The following MAP1B variants were observed in gnomAD, a reference collection of about 807,000 sequenced individuals.
MAP1B encodes the protein microtubule-associated protein 1B.
A neutral mutation model predicts 176.1 loss-of-function variants in MAP1B; 12 were observed. The observed-to-expected ratio is 0.07, with a 90% CI of 0.04 to 0.11. MAP1B has a LOEUF of 0.11. Ranked by LOEUF, MAP1B falls within the 10% of genes least tolerant of loss-of-function variation. MAP1B has a pLI of 1.00. For synonymous variants in MAP1B, 1,044 were observed against 1,135.0 expected (o/e 0.92, Z 1.61); for missense variants, 2,523 against 2,990.5 (o/e 0.84, Z 3.65).
intron 2 of MAP1B, among the ~76,000 whole-genome samples, chr5:72,177,532 A>T (rs1324107491): frequency 6.6e-6 from 1 of 152,064 alleles, no homozygotes; most frequent in Non-Finnish European, 1.5e-5. Context: ...GACTTCTGTG[A>T]GGGGCTCTGG....
At chr5:72,131,239 C>T (rs1165748434) in intron 2 of MAP1B, among the ~76,000 whole-genome samples, 1 of 152,120 alleles carries the variant, frequency 6.6e-6, no homozygotes, top group Non-Finnish European at 1.5e-5. Context: ...GGTAAGTAAA[C>T]TTTAGAGCTG....
In MAP1B at chr5:72,197,175, G is replaced by T. The variant is rs186784968; in HGVS notation, c.3820G>T (p.Glu1274Ter). 1 of 1,614,228 alleles carries T rather than the reference G, an allele frequency of 6.2e-7. No individual in the cohort carries two copies. Among genetic ancestry groups the T allele is most frequent in the Non-Finnish European group, 8.5e-7 (1 of 1,180,024 alleles). Residue 1274 changes from glutamate (E) to a stop codon, truncating the protein, a stop_gained, in exon 5 of 7, where the codon GAA becomes TAA. Coordinates refer to ENST00000296755, the MANE Select transcript of MAP1B (RefSeq NM_005909.5). LOFTEE classifies it high-confidence loss of function. Reference sequence around the variant, plus strand: ...ACCCTTAGAAAAGACCCCCCTGGGTGAACGTAGTGTGAACTTCTCTCTGAC... The same window carrying T: ...ACCCTTAGAAAAGACCCCCCTGGGTTAACGTAGTGTGAACTTCTCTCTGAC... ...PSPLEKTPLG[E>*]RSVNFSLTPN...
At chr5:72,129,552 G>A (rs1442586656) in intron 2 of MAP1B, among the ~76,000 whole-genome samples, 2 of 150,384 alleles carry the variant, frequency 1.3e-5, no homozygotes, top group African/African-American at 4.9e-5. Context: ...GTGAGACTCC[G>A]TCCTAAAAAA....
In MAP1B at chr5:72,196,030, C is replaced by G; in HGVS notation, c.2675C>G (p.Pro892Arg). The change falls in exon 5 of 7, where the codon CCT (proline) becomes CGT (arginine). Residue 892 changes from proline (P) to arginine (R), a missense_variant. By Grantham distance (103) the Pro-to-Arg change is moderately radical. Coordinates refer to ENST00000296755, the MANE Select transcript of MAP1B (RefSeq NM_005909.5). The surrounding 1 kb of genome is among the most constrained non-coding windows in gnomAD (Gnocchi z 5.3). ...GTCACCAAAGGTCCTGCCGAGTCCC[C>G]TGATGAGGGAATCACTACCACTGAA... is the stretch of plus-strand genomic sequence containing the variant. ...REVTKGPAES[P>R]DEGITTTEGE... 1 of 1,614,252 alleles carries G rather than the reference C, an allele frequency of 6.2e-7. No individual in the cohort carries two copies. The highest frequency in any genetic ancestry group is 8.5e-7 in the Non-Finnish European group (1 of 1,180,048).
intron 2 of MAP1B, among the ~76,000 whole-genome samples, chr5:72,140,513 G>A (rs1339808015): frequency 6.6e-6 from 1 of 152,154 alleles, no homozygotes; most frequent in Non-Finnish European, 1.5e-5. Context: ...GTGCGCATAA[G>A]GGAGAGAAAA....
intron 2 of MAP1B, among the ~76,000 whole-genome samples, chr5:72,165,881 A>T (rs1351882087): frequency 6.6e-6 from 1 of 152,202 alleles, no homozygotes; most frequent in African/African-American, 2.4e-5. Flanking sequence ...AGAGCAAGCT[A>T]CAAAGCCTAA....
chr5:72,166,703 C>T (rs1158500143), intron 2 of MAP1B, among the ~76,000 whole-genome samples: 3 of 152,178 alleles, frequency 2.0e-5, no homozygotes, highest in South Asian at 2.1e-4. Context: ...TATGACTATT[C>T]GCCGAGGATG....
chr5:72,205,331 G>A lies in MAP1B; in HGVS notation c.*92G>A, dbSNP rs1747423519. ...CTTTTCTAAAAAGTCAATTCATCTA[G>A]TTAAGTCGCTGAACAATTACCTGCC... On this transcript the variant is annotated 3_prime_UTR_variant, in exon 7 of 7. Coordinates refer to ENST00000296755, the MANE Select transcript of MAP1B (RefSeq NM_005909.5). 1.5e-6 allele frequency: 2 copies of A among 1,318,378 alleles called. No homozygotes were observed. Among genetic ancestry groups the A allele is most frequent in the Non-Finnish European group, 2.1e-6 (2 of 945,734 alleles). 81.7% of individuals were successfully genotyped at this position (1,318,378 alleles called of 1,614,324 possible). A position where few individuals can be genotyped will look rare whatever the true frequency, so the allele number is the denominator to read the frequency against.
At chr5:72,147,606 C>T (rs149432731) in intron 2 of MAP1B, among the ~76,000 whole-genome samples, 3 of 152,316 alleles carry the variant, frequency 2.0e-5, no homozygotes, top group African/African-American at 7.2e-5. Context: ...TGCGAGGACA[C>T]GCCCCAGCTG....
rs149164871 is a variant in MAP1B at position 72,151,512 on chromosome 5, G to A, written c.287-32231G>A. Reference sequence around the variant, plus strand: ...TGTGCCCTCAACTATGTAAAAAAATGGCTATGTGGAAAAAGTACTGGAAGG... The same window carrying A: ...TGTGCCCTCAACTATGTAAAAAAATAGCTATGTGGAAAAAGTACTGGAAGG... On this transcript the variant is annotated intron_variant, in intron 2 of 6. Coordinates refer to ENST00000296755, the MANE Select transcript of MAP1B (RefSeq NM_005909.5). Among the ~76,000 whole-genome samples the A allele has an allele frequency of 7.9e-5, 12 of 152,296 alleles. No homozygotes were observed. The East Asian group carries it at 1.9e-3, about 24-fold the overall frequency.
intron 5 of MAP1B, among the ~76,000 whole-genome samples, chr5:72,202,274 A>G (rs1345254337): frequency 6.6e-6 from 1 of 152,248 alleles, no homozygotes; most frequent in Non-Finnish European, 1.5e-5. Flanking sequence ...AATTACTGGA[A>G]GAACTGTAAC....
chr5:72,199,865 C>T lies in MAP1B; in HGVS notation c.6510C>T (p.Pro2170=), dbSNP rs1747289837. ...SDVPPETEEC[P]SITADANIDS... Reference sequence around the variant, plus strand: ...TTCCCCCGGAGACTGAAGAGTGCCCCTCCATCACGGCCGATGCCAATATCG... The same window carrying T: ...TTCCCCCGGAGACTGAAGAGTGCCCTTCCATCACGGCCGATGCCAATATCG... The change falls in exon 5 of 7, where the codon CCC becomes CCT. Residue 2170 remains proline (P), a synonymous_variant. Transcript: ENST00000296755. This position sits in a 1 kb window ranked among gnomAD's most constrained non-coding sequence, Gnocchi z 4.2. 1.2e-6 allele frequency: 2 copies of T among 1,614,194 alleles called. No individual in the cohort carries two copies. Among genetic ancestry groups the T allele is most frequent in the Non-Finnish European group, 1.7e-6 (2 of 1,180,046 alleles).
chr5:72,171,893 G>A (rs902770152), intron 2 of MAP1B, among the ~76,000 whole-genome samples: 2 of 152,196 alleles, frequency 1.3e-5, no homozygotes, highest in Non-Finnish European at 2.9e-5. Flanking sequence ...AAATGCGTAG[G>A]TGCTGATTCT....
At chr5:72,110,347 G>A (rs1045295485) in intron 1 of MAP1B, among the ~76,000 whole-genome samples, 1 of 152,210 alleles carries the variant, frequency 6.6e-6, no homozygotes, top group African/African-American at 2.4e-5. Flanking sequence ...GAGCAGAGCC[G>A]TTTCTTTACA....
chr5:72,198,985 A>C lies in MAP1B; in HGVS notation c.5630A>C (p.Glu1877Ala), dbSNP rs773362174. The C allele has an allele frequency of 3.1e-6, 5 of 1,614,184 alleles. No homozygotes were observed. In the South Asian group the frequency reaches 5.5e-5, roughly 18 times the overall value. Reference protein sequence around the residue: ...DFSYAYQKPEETTRSPDEEDY... With the variant: ...DFSYAYQKPEATTRSPDEEDY... ...AGCTATGCCTATCAAAAGCCTGAGG[A>C]AACAACCAGGTCCCCAGATGAAGAA... is the stretch of plus-strand genomic sequence containing the variant. The change falls in exon 5 of 7, where the codon GAA (glutamate) becomes GCA (alanine). Residue 1877 changes from glutamate to alanine, a missense_variant. By Grantham distance (107) the Glu-to-Ala change is moderately radical. Transcript: ENST00000296755.
intron 4 of MAP1B, among the ~76,000 whole-genome samples, chr5:72,192,246 C>T (rs1210304056): frequency 2.0e-5 from 3 of 152,076 alleles, no homozygotes; most frequent in Non-Finnish European, 4.4e-5. Flanking sequence ...TACAAAAAAC[C>T]ATATTTGATG....
intron 4 of MAP1B, among the ~76,000 whole-genome samples, chr5:72,191,925 T>C (rs1248368135): frequency 1.3e-5 from 2 of 152,162 alleles, no homozygotes; most frequent in Admixed American, 6.5e-5. Flanking sequence ...CTTAAGTCTT[T>C]CTACCTTCTG....
chr5:72,115,170 A>G (rs1745410037), intron 1 of MAP1B, among the ~76,000 whole-genome samples: 1 of 152,138 alleles, frequency 6.6e-6, no homozygotes, highest in African/African-American at 2.4e-5. Context: ...AAAGTCAAAA[A>G]CGGGATTGGT....
chr5:72,122,237 C>CGGTTGCAGGGAACAGAGTGA (rs1745543258), intron 2 of MAP1B, among the ~76,000 whole-genome samples: 1 of 152,058 alleles, frequency 6.6e-6, no homozygotes, highest in Non-Finnish European at 1.5e-5. Flanking sequence ...CCTCCTGGCC[C>CGGTTGCAGGGAACAGAGTGA]GGTTGCAGGG....
Sources: allele counts gnomAD v4.1 joint callset (sites outside exome capture counted in the v4.1 genomes callset), GRCh38; gene constraint gnomAD v4.1.1; non-coding constraint Gnocchi (gnomAD v3.1); transcripts MANE v1.5; gene names NCBI Gene and HGNC (gene_info 2026-07-23, HGNC 2026-07-21).